COL5A2: variants seen among roughly 807,000 people sequenced by gnomAD.
COL5A2 encodes the protein collagen type V alpha 2 chain, also known as collagen alpha-2(V) chain.
Under a neutral mutation model 208.2 loss-of-function variants are expected in COL5A2, and 23 were observed. That is an observed-to-expected ratio of 0.11 (90% CI 0.08 to 0.16). The LOEUF (loss-of-function observed/expected upper bound fraction) is 0.16. Among genes scored for constraint, COL5A2 ranks in the 10% least tolerant of loss-of-function variants. The probability of loss-of-function intolerance (pLI) is 1.00; values close to 1 mark genes in which losing one functional copy is unlikely to be tolerated. For missense variants in COL5A2, 1,590 were observed against 1,956.4 expected, an observed-to-expected ratio of 0.81 and a Z score of 3.53; for synonymous variants, 625 against 628.5, an observed-to-expected ratio of 0.99 and a Z score of 0.08.
At chr2:189,179,802 T>A, upstream of COL5A2, 1 of 765,188 alleles carries the variant, frequency 1.3e-6, no homozygotes, top group South Asian at 1.8e-5. Flanking sequence ...ATAGGAAGAA[T>A]GCTGCCTCCA....
the COL5A2 span, among the ~76,000 whole-genome samples, chr2:189,437,081 T>C: frequency 6.6e-6 from 1 of 152,280 alleles, no homozygotes; most frequent in African/African-American, 2.4e-5. Flanking sequence ...GACACCACTG[T>C]GTTCCAAGAT....
chr2:189,306,413 T>C, the COL5A2 span, among the ~76,000 whole-genome samples: 2 of 152,330 alleles, frequency 1.3e-5, no homozygotes, highest in African/African-American at 4.8e-5. Context: ...CCCTAATCAT[T>C]AACCTGTACT....
At chr2:189,058,633 A>C (rs915045916) in intron 32 of COL5A2, 106 bp from the exon 33 acceptor site, 1 of 1,081,876 alleles carries the variant, frequency 9.2e-7, no homozygotes, top group Admixed American at 1.9e-5. Context: ...GAAATGAGAC[A>C]TTACTAAATC....
rs1438013372 is a variant in COL5A2 at position 189,083,965 on chromosome 2, A to C, written c.852+19T>G. Reference sequence around the variant, plus strand: ...TCTTTATTTTTCAAAGTTTGCCTTTATGTTGAGTATAAACTTACCGGAGAT... The same window carrying C: ...TCTTTATTTTTCAAAGTTTGCCTTTCTGTTGAGTATAAACTTACCGGAGAT... On this transcript the variant is annotated intron_variant, in intron 12 of 53. Coordinates refer to ENST00000374866, the MANE Select transcript of COL5A2 (RefSeq NM_000393.5). The C allele has an allele frequency of 6.3e-7, 1 of 1,585,712 alleles. No individual in the cohort carries two copies. Among genetic ancestry groups the C allele is most frequent in the Non-Finnish European group, 8.7e-7 (1 of 1,154,420 alleles).
Position 189,068,117 on chromosome 2 carries a change from T to C in COL5A2, c.1303-4A>G. ...GACCAGAGGTACCTGGAGAGCCCTATTAAACAGCAAGAGTGATGTGGTAAG... is the reference window on the plus strand; with the variant it reads ...GACCAGAGGTACCTGGAGAGCCCTACTAAACAGCAAGAGTGATGTGGTAAG... On this transcript the variant is annotated splice_polypyrimidine_tract_variant and splice_region_variant and intron_variant, in intron 20 of 53. Coordinates refer to ENST00000374866, the MANE Select transcript of COL5A2 (RefSeq NM_000393.5). 6.2e-7 allele frequency: 1 copy of C among 1,612,154 alleles called. No individual in the cohort carries two copies. The highest frequency in any genetic ancestry group is 8.5e-7 in the Non-Finnish European group (1 of 1,178,226).
At chr2:189,214,480 T>C (rs186233046) in intron 1 of COL5A2, among the ~76,000 whole-genome samples, 15 of 152,210 alleles carry the variant, frequency 9.9e-5, no homozygotes, top group African/African-American at 3.6e-4. Context: ...TACATACATA[T>C]AGGGAAAATT....
intron 1 of COL5A2, among the ~76,000 whole-genome samples, chr2:189,221,148 T>C (rs1242806721): frequency 6.6e-6 from 1 of 152,214 alleles, no homozygotes; most frequent in African/African-American, 2.4e-5. Context: ...AGAGCTGTTA[T>C]ACTGGATCTC....
At chr2:189,132,320 G>A (rs962904639) in intron 1 of COL5A2, among the ~76,000 whole-genome samples, 1 of 152,082 alleles carries the variant, frequency 6.6e-6, no homozygotes, top group Non-Finnish European at 1.5e-5. Context: ...ACTTGTTTTT[G>A]GAAAGGTTAC....
At chr2:189,240,695 A>G in the COL5A2 span, among the ~76,000 whole-genome samples, 1 of 152,050 alleles carries the variant, frequency 6.6e-6, no homozygotes, top group Admixed American at 6.6e-5. Flanking sequence ...CACCAGTCCT[A>G]TTGGCCCAGT....
chr2:189,110,975 A>C (rs904863703), intron 1 of COL5A2, among the ~76,000 whole-genome samples: 1 of 152,186 alleles, frequency 6.6e-6, no homozygotes, highest in African/African-American at 2.4e-5. Context: ...ATTATTTTTA[A>C]ATGTACAGTA....
chr2:189,142,512 T>C (rs1310307175), intron 1 of COL5A2, among the ~76,000 whole-genome samples: 1 of 152,166 alleles, frequency 6.6e-6, no homozygotes, highest in Non-Finnish European at 1.5e-5. Flanking sequence ...AGCCTCAAAG[T>C]AATGATTATC....
chr2:189,333,874 G>A, the COL5A2 span, among the ~76,000 whole-genome samples: 1 of 151,338 alleles, frequency 6.6e-6, no homozygotes, highest in Non-Finnish European at 1.5e-5. Flanking sequence ...GTAGGACTTT[G>A]TTATGGCTTT....
chr2:189,058,599 T>C (rs1351597255), intron 32 of COL5A2, 72 bp from the exon 33 acceptor site: 2 of 1,335,268 alleles, frequency 1.5e-6, no homozygotes, highest in African/African-American at 1.4e-5. Flanking sequence ...TTCTGAGAAA[T>C]GGCTTCTACT....
chr2:189,335,426 G>A, the COL5A2 span, among the ~76,000 whole-genome samples: 1 of 151,998 alleles, frequency 6.6e-6, no homozygotes, highest in Admixed American at 6.6e-5. Flanking sequence ...GAAAAACAGA[G>A]CTGTCATATA....
At chr2:189,226,545 G>A (rs1487000387), upstream of COL5A2, among the ~76,000 whole-genome samples, 1 of 152,140 alleles carries the variant, frequency 6.6e-6, no homozygotes, top group Non-Finnish European at 1.5e-5. Flanking sequence ...ATTCTCCCTG[G>A]TGAGAGAAAG....
At chr2:189,271,889 G>GC in the COL5A2 span, among the ~76,000 whole-genome samples, 1 of 152,164 alleles carries the variant, frequency 6.6e-6, no homozygotes, top group African/African-American at 2.4e-5. Context: ...CATTTATGTG[G>GC]CCAACAAACA....
chr2:189,305,527 C>T, the COL5A2 span, among the ~76,000 whole-genome samples: 1 of 152,134 alleles, frequency 6.6e-6, no homozygotes, highest in African/African-American at 2.4e-5. Flanking sequence ...TCACCAGATA[C>T]CAAACCTGAC....
chr2:189,427,293 A>G, the COL5A2 span, among the ~76,000 whole-genome samples: 15 of 152,334 alleles, frequency 9.8e-5, no homozygotes, highest in Middle Eastern at 3.4e-3. Flanking sequence ...TAGCTTCCAC[A>G]TGGTGTTAAA....
chr2:189,068,861 C>A lies in COL5A2; in HGVS notation c.1182G>T (p.Ala394=). 1 of 1,612,632 alleles carries A rather than the reference C, an allele frequency of 6.2e-7. No homozygotes were observed. The highest frequency in any genetic ancestry group is 8.5e-7 in the Non-Finnish European group (1 of 1,179,326). The change falls in exon 19 of 54, where the codon GCG becomes GCT. Residue 394 remains alanine (A), a synonymous_variant. Coordinates refer to ENST00000374866, the MANE Select transcript of COL5A2 (RefSeq NM_000393.5). ...GCCCCTGAGGACCTTCAGGGCCTCG[C>A]GCCCCTGTAGGACCTGCTTCTCCCT... ...GMKGEAGPTG[A]RGPEGPQGQR...
Sources: allele counts gnomAD v4.1 joint callset (sites outside exome capture counted in the v4.1 genomes callset), GRCh38; gene constraint gnomAD v4.1.1; transcripts MANE v1.5; gene names NCBI Gene and HGNC (gene_info 2026-07-23, HGNC 2026-07-21).